The following SPMAP2L variants were observed in gnomAD, a reference collection of about 807,000 sequenced individuals.
SPMAP2L encodes sperm microtubule associated protein 2-like.
the SPMAP2L span, among the ~76,000 whole-genome samples, chr4:56,578,240 G>A: frequency 6.6e-6 from 1 of 152,104 alleles, no homozygotes; most frequent in Non-Finnish European, 1.5e-5. Context: ...AGGGGATAGA[G>A]CTATATAGGA....
the SPMAP2L span, chr4:56,596,605 C>A: frequency 6.5e-7 from 1 of 1,528,670 alleles, no homozygotes; most frequent in Non-Finnish European, 8.7e-7. Context: ...CTATGAAAGA[C>A]AAAGAAGTGA....
the SPMAP2L span, among the ~76,000 whole-genome samples, chr4:56,554,279 T>C: frequency 1.3e-5 from 2 of 152,240 alleles, no homozygotes; most frequent in African/African-American, 4.8e-5. Context: ...CTAAGATGAC[T>C]GTACCATTTT....
the SPMAP2L span, among the ~76,000 whole-genome samples, chr4:56,579,595 C>A: frequency 6.6e-6 from 1 of 152,044 alleles, no homozygotes; most frequent in Non-Finnish European, 1.5e-5. Context: ...CATAGTGAGA[C>A]CCTATCTCTT....
chr4:56,601,227 A>T, the SPMAP2L span: 4 of 1,006,212 alleles, frequency 4.0e-6, no homozygotes, highest in Admixed American at 1.2e-4. Context: ...AACTTCCAAA[A>T]CATCTTACTT....
chr4:56,530,911 C>A, the SPMAP2L span: 1 of 1,535,028 alleles, frequency 6.5e-7, no homozygotes, highest in East Asian at 2.4e-5. Context: ...ATGTGATGAG[C>A]CTCATGAGTC....
the SPMAP2L span, among the ~76,000 whole-genome samples, chr4:56,606,129 C>T: frequency 3.9e-5 from 6 of 152,162 alleles, no homozygotes; most frequent in South Asian, 1.2e-3. Flanking sequence ...TAATTCGTCT[C>T]AAAGTGTGAC....
the SPMAP2L span, among the ~76,000 whole-genome samples, chr4:56,588,093 GTTTGTTGGCCA>G: frequency 6.6e-6 from 1 of 152,112 alleles, no homozygotes; most frequent in African/African-American, 2.4e-5. Flanking sequence ...TTTTTCATAT[GTTTGTTGGCCA>G]TTTGTATATC....
the SPMAP2L span, among the ~76,000 whole-genome samples, chr4:56,589,739 T>G: frequency 0.55 from 76,863 of 140,248 alleles, 20,211 homozygotes; most frequent in Middle Eastern, 0.6. Context: ...TTTTTGTGTG[T>G]GGGGGGGTTT....
At chr4:56,565,417 G>T in the SPMAP2L span, among the ~76,000 whole-genome samples, 4 of 152,140 alleles carry the variant, frequency 2.6e-5, no homozygotes, top group Non-Finnish European at 4.4e-5. Flanking sequence ...AATCCAAAAT[G>T]CTCCAAATCC....
At chr4:56,593,088 C>T in the SPMAP2L span, 5 of 1,580,730 alleles carry the variant, frequency 3.2e-6, no homozygotes, top group South Asian at 1.1e-5. Flanking sequence ...TGCTCAGTGC[C>T]ACAGACGATT....
the SPMAP2L span, among the ~76,000 whole-genome samples, chr4:56,563,969 G>T: frequency 6.6e-6 from 1 of 152,116 alleles, no homozygotes; most frequent in Non-Finnish European, 1.5e-5. Flanking sequence ...ATTCTCCAAT[G>T]AAGTCGTCTG....
At chr4:56,579,622 T>C in the SPMAP2L span, among the ~76,000 whole-genome samples, 1 of 151,922 alleles carries the variant, frequency 6.6e-6, no homozygotes, top group Non-Finnish European at 1.5e-5. Flanking sequence ...ATTAAAAAAT[T>C]AATTGGCCAT....
chr4:56,548,924 C>G, the SPMAP2L span: 1 of 624,482 alleles, frequency 1.6e-6, no homozygotes, highest in Non-Finnish European at 2.4e-6. Flanking sequence ...TTGGGGTTTT[C>G]AAAAAGGACA....
chr4:56,571,914 A>T, the SPMAP2L span, among the ~76,000 whole-genome samples: 1 of 151,902 alleles, frequency 6.6e-6, no homozygotes, highest in Admixed American at 6.6e-5. Flanking sequence ...ACTATCTTCC[A>T]CCTCCACATC....
the SPMAP2L span, chr4:56,531,288 G>A: frequency 7.5e-7 from 1 of 1,327,758 alleles, no homozygotes; most frequent in Non-Finnish European, 1.0e-6. Context: ...TTGCATGCAA[G>A]AGCTTGCCAT....
chr4:56,593,380 C>T, the SPMAP2L span: 1 of 1,276,628 alleles, frequency 7.8e-7, no homozygotes, highest in Admixed American at 1.7e-5. Flanking sequence ...TACTGGAGTC[C>T]TCATTGAGCT....
chr4:56,616,761 G>A, the SPMAP2L span, among the ~76,000 whole-genome samples: 1 of 152,178 alleles, frequency 6.6e-6, no homozygotes, highest in East Asian at 1.9e-4. Context: ...AGGTGTGGGA[G>A]TCATTCCTTT....
chr4:56,574,827 T>C, the SPMAP2L span, among the ~76,000 whole-genome samples: 1 of 151,474 alleles, frequency 6.6e-6, no homozygotes, highest in African/African-American at 2.4e-5. Flanking sequence ...GAAAAAATTT[T>C]AAAAAGTTGC....
the SPMAP2L span, among the ~76,000 whole-genome samples, chr4:56,579,428 A>G: frequency 6.6e-6 from 1 of 152,110 alleles, no homozygotes; most frequent in Non-Finnish European, 1.5e-5. Flanking sequence ...TATGAGATGC[A>G]GCTAAAGTAG....
Sources: gnomAD v4.1 joint callset for allele counts (sites outside exome capture counted in the v4.1 genomes callset) on GRCh38, gnomAD v4.1.1 for gene constraint, MANE v1.5 for transcripts, NCBI Gene and HGNC (gene_info 2026-07-23, HGNC 2026-07-21) for gene names.